The following KCNB2 variants were observed in gnomAD, a reference collection of about 807,000 sequenced individuals.
The protein encoded by KCNB2 is potassium voltage-gated channel subfamily B member 2, also known as delayed rectifier potassium channel protein.
Under a neutral mutation model 61.5 loss-of-function variants are expected in KCNB2, and 15 were observed. The observed-to-expected ratio is 0.24, with a 90% CI of 0.16 to 0.38. KCNB2 has a LOEUF of 0.38. KCNB2 is among the 10% of genes least tolerant of loss of function. KCNB2 has a pLI of 1.00. For missense variants in KCNB2, 828 were observed against 1,125.2 expected (o/e 0.74, Z 3.78); for synonymous variants, 457 against 446.0 (o/e 1.02, Z -0.31).
At chr8:72,859,759 G>T (rs1810268587) in intron 2 of KCNB2, among the ~76,000 whole-genome samples, 1 of 106,856 alleles carries the variant, frequency 9.4e-6, no homozygotes, top group African/African-American at 3.7e-5. Flanking sequence ...CGCTCTTGTT[G>T]CCCAGGCTGG....
intron 1 of KCNB2, among the ~76,000 whole-genome samples, chr8:72,561,717 A>ACG: frequency 4.2e-5 from 1 of 23,992 alleles, no homozygotes; most frequent in African/African-American, 3.9e-4. Context: ...ATATATATAT[A>ACG]TATATATATA....
intron 2 of KCNB2, among the ~76,000 whole-genome samples, chr8:72,653,723 A>G (rs975409809): frequency 6.6e-6 from 1 of 152,212 alleles, no homozygotes; most frequent in African/African-American, 2.4e-5. Flanking sequence ...GCAAAGTTGA[A>G]TCGTCATGAC....
chr8:72,608,173 C>G (rs939088398), intron 2 of KCNB2, among the ~76,000 whole-genome samples: 3 of 152,026 alleles, frequency 2.0e-5, no homozygotes, highest in African/African-American at 7.3e-5. Flanking sequence ...TGAAGAAAGC[C>G]CCTTGGAGAA....
At chr8:72,902,901 G>A (rs1487812654) in intron 2 of KCNB2, among the ~76,000 whole-genome samples, 2 of 152,112 alleles carry the variant, frequency 1.3e-5, no homozygotes, top group East Asian at 1.9e-4. Flanking sequence ...TAAACAATAA[G>A]ATGGGAAATC....
chr8:72,667,645 G>A (rs183221027), intron 2 of KCNB2, among the ~76,000 whole-genome samples: 66 of 152,064 alleles, frequency 4.3e-4, no homozygotes, highest in African/African-American at 1.5e-3. Context: ...GATCTGCCAT[G>A]TCTCTTTATC....
intron 2 of KCNB2, among the ~76,000 whole-genome samples, chr8:72,641,604 A>T (rs1742091049): frequency 6.6e-6 from 1 of 152,114 alleles, no homozygotes; most frequent in Non-Finnish European, 1.5e-5. Flanking sequence ...AAACTAGATA[A>T]CTTTGGATCT....
rs938614765 is a variant in KCNB2, at chr8:72,921,533, G to A, written c.580-14402G>A. On this transcript the variant is annotated intron_variant, in intron 2 of 2. Coordinates refer to ENST00000523207, the MANE Select transcript of KCNB2 (RefSeq NM_004770.3). ...TAGGCAACAGGATGAGGAGTCCTTAGCACCTTTAACTTACAGACTACCACT... is the reference window on the plus strand; with the variant it reads ...TAGGCAACAGGATGAGGAGTCCTTAACACCTTTAACTTACAGACTACCACT... Among the ~76,000 whole-genome samples the A allele has an allele frequency of 1.8e-4, 28 of 152,246 alleles. 1 individual carries two copies. Among genetic ancestry groups the A allele is most frequent in the Admixed American group, 1.4e-3 (22 of 15,298 alleles).
At chr8:72,648,973 A>AT (rs148497430) in intron 2 of KCNB2, among the ~76,000 whole-genome samples, 6,460 of 151,822 alleles carry the variant, frequency 0.043, 187 homozygotes, top group African/African-American at 0.083. Context: ...AAGTTTTTTT[A>AT]TTTTTTTTCT....
intron 2 of KCNB2, among the ~76,000 whole-genome samples, chr8:72,788,494 A>G (rs1808879661): frequency 6.6e-6 from 1 of 151,964 alleles, no homozygotes; most frequent in Non-Finnish European, 1.5e-5. Flanking sequence ...CTGAAAGGCC[A>G]TTTTTCCAGT....
At chr8:72,693,510 G>A (rs948723459) in intron 2 of KCNB2, among the ~76,000 whole-genome samples, 2 of 152,138 alleles carry the variant, frequency 1.3e-5, no homozygotes, top group East Asian at 1.9e-4. Flanking sequence ...CCACCTCACA[G>A]CTGGGGAGAG....
intron 2 of KCNB2, among the ~76,000 whole-genome samples, chr8:72,827,022 C>A (rs1809606578): frequency 6.6e-6 from 1 of 152,224 alleles, no homozygotes; most frequent in Admixed American, 6.5e-5. Context: ...TTATCGTCAT[C>A]TTTTGACTGG....
chr8:72,859,390 C>G (rs1189151187), intron 2 of KCNB2, among the ~76,000 whole-genome samples: 1 of 152,032 alleles, frequency 6.6e-6, no homozygotes, highest in Non-Finnish European at 1.5e-5. Context: ...TACAATCCAC[C>G]CATTTAAAAG....
In KCNB2 at chr8:72,784,865, G is replaced by T. The variant is rs112824885; in HGVS notation, c.580-151070G>T. ...TCTTTATTTTCCCAGCCCTGAGCTTGCCCCTCATCCCCTGCACAATAAAAG... is the reference window on the plus strand; with the variant it reads ...TCTTTATTTTCCCAGCCCTGAGCTTTCCCCTCATCCCCTGCACAATAAAAG... On this transcript the variant is annotated intron_variant, in intron 2 of 2. Transcript: ENST00000523207. 2.4e-3 allele frequency among the ~76,000 whole-genome samples: 364 copies of T among 152,144 alleles called. 1 individual carries two copies. The highest frequency in any genetic ancestry group is 6.8e-3 in the Middle Eastern group (2 of 294).
At chr8:72,767,903 G>A (rs1335127042) in intron 2 of KCNB2, among the ~76,000 whole-genome samples, 1 of 151,314 alleles carries the variant, frequency 6.6e-6, no homozygotes, top group Non-Finnish European at 1.5e-5. Flanking sequence ...TTTTATTATA[G>A]CCATCCTCCT....
chr8:72,728,432 A>G (rs1434222305), intron 2 of KCNB2, among the ~76,000 whole-genome samples: 3 of 152,150 alleles, frequency 2.0e-5, no homozygotes, highest in Non-Finnish European at 4.4e-5. Context: ...CATCTATAAG[A>G]GCTAGATTAA....
intron 2 of KCNB2, among the ~76,000 whole-genome samples, chr8:72,847,046 G>A (rs180971657): frequency 1.3e-5 from 2 of 152,160 alleles, no homozygotes; most frequent in African/African-American, 4.8e-5. Flanking sequence ...AGAAAATGTG[G>A]CACACATACA....
At chr8:72,787,488 ATT>A (rs146477447) in intron 2 of KCNB2, among the ~76,000 whole-genome samples, 1 of 150,642 alleles carries the variant, frequency 6.6e-6, no homozygotes, top group African/African-American at 2.4e-5. Flanking sequence ...GTGTGGCTGA[ATT>A]TTTTTTTTCT....
At chr8:72,908,723 G>A (rs1440795999) in intron 2 of KCNB2, among the ~76,000 whole-genome samples, 1 of 152,224 alleles carries the variant, frequency 6.6e-6, no homozygotes, top group Non-Finnish European at 1.5e-5. Context: ...AGCAGCAGGA[G>A]CGCAGGAGCT....
chr8:72,715,987 C>T (rs1292248195), intron 2 of KCNB2, among the ~76,000 whole-genome samples: 3 of 152,148 alleles, frequency 2.0e-5, no homozygotes, highest in South Asian at 2.1e-4. Flanking sequence ...GATATCACCA[C>T]CGATCCCACA....
Sources: allele counts gnomAD v4.1 joint callset (sites outside exome capture counted in the v4.1 genomes callset), GRCh38; gene constraint gnomAD v4.1.1; transcripts MANE v1.5; gene names NCBI Gene and HGNC (gene_info 2026-07-23, HGNC 2026-07-21).